Variants in LRP1B observed in about 807,000 individuals in gnomAD.
The protein encoded by LRP1B is low-density lipoprotein receptor-related protein 1B.
A neutral mutation model predicts 556.6 loss-of-function variants in LRP1B; 217 were observed. That is an observed-to-expected ratio of 0.39 (90% CI 0.35 to 0.44). The LOEUF is 0.44. Among genes scored for constraint, LRP1B ranks in the 20% least tolerant of loss-of-function variants. LRP1B has a pLI of 1.00. For synonymous variants in LRP1B, 2,047 were observed against 1,865.8 expected (o/e 1.10, Z -2.50); for missense variants, 5,053 against 5,620.8 (o/e 0.90, Z 3.23).
At chr2:140,402,018 A>G (rs1003776488) in intron 66 of LRP1B, among the ~76,000 whole-genome samples, 1 of 152,160 alleles carries the variant, frequency 6.6e-6, no homozygotes, top group Admixed American at 6.5e-5. Context: ...CTGCTGAGCG[A>G]CCTGAGGACA....
intron 27 of LRP1B, among the ~76,000 whole-genome samples, chr2:140,865,912 G>T (rs576614604): frequency 6.6e-6 from 1 of 152,140 alleles, no homozygotes; most frequent in African/African-American, 2.4e-5. Context: ...TAAATATCAG[G>T]AAAGCTTGAG....
At chr2:140,830,423 C>G (rs1198166396) in intron 31 of LRP1B, among the ~76,000 whole-genome samples, 1 of 152,032 alleles carries the variant, frequency 6.6e-6, no homozygotes, top group African/African-American at 2.4e-5. Flanking sequence ...GGGAATTATT[C>G]CAGTGATACA....
At chr2:141,049,301 G>A in intron 10 of LRP1B, 79 bp from the exon 11 acceptor site, 3 of 881,154 alleles carry the variant, frequency 3.4e-6, no homozygotes, top group Non-Finnish European at 1.8e-6. Flanking sequence ...CCGTTTAACT[G>A]GCACAATTAG....
intron 1 of LRP1B, among the ~76,000 whole-genome samples, chr2:141,910,812 G>A (rs534931447): frequency 1.2e-4 from 18 of 152,088 alleles, no homozygotes; most frequent in Admixed American, 3.9e-4. Context: ...AAAAAGTAAG[G>A]AAAGTAGGAA....
chr2:140,435,126 T>C (rs1481103526), intron 66 of LRP1B, among the ~76,000 whole-genome samples: 2 of 152,140 alleles, frequency 1.3e-5, no homozygotes, highest in African/African-American at 4.8e-5. Context: ...GCCCAAAAGA[T>C]ATTTCAACAG....
chr2:140,850,172 T>G lies in LRP1B; in HGVS notation c.4869A>C (p.Thr1623=). Residue 1623 remains threonine (T), a synonymous_variant, in exon 29 of 91, where the codon ACA becomes ACC. Transcript: ENST00000389484. The part of the protein sequence containing the change: ...FDASEERLYW[T]DIKTQTIKRA... The stretch of plus-strand genomic sequence containing the variant: ...GTTTAATGGTTTGTGTTTTAATATC[T>G]GTCCAGTATAAACGTTCCTCAGATG... 1.2e-6 allele frequency: 2 copies of G among 1,613,896 alleles called. No individual in the cohort carries two copies. Among genetic ancestry groups the G allele is most frequent in the Non-Finnish European group, 1.7e-6 (2 of 1,179,838 alleles).
chr2:141,531,142 C>T (rs549072982), intron 2 of LRP1B, among the ~76,000 whole-genome samples: 1 of 152,148 alleles, frequency 6.6e-6, no homozygotes, highest in African/African-American at 2.4e-5. Flanking sequence ...ATAGATGTAG[C>T]TATAGAATGC....
At chr2:140,421,413 T>A (rs1308803023) in intron 66 of LRP1B, among the ~76,000 whole-genome samples, 1 of 152,212 alleles carries the variant, frequency 6.6e-6, no homozygotes, top group Non-Finnish European at 1.5e-5. Context: ...TTTATACTGG[T>A]CACTAATGTC....
At chr2:140,492,917 T>C (rs1688763290) in intron 56 of LRP1B, among the ~76,000 whole-genome samples, 1 of 152,190 alleles carries the variant, frequency 6.6e-6, no homozygotes, top group African/African-American at 2.4e-5. Flanking sequence ...AGTGCATCCC[T>C]TGCTTCCTCT....
intron 41 of LRP1B, among the ~76,000 whole-genome samples, chr2:140,632,606 G>A (rs1464035139): frequency 6.6e-6 from 1 of 152,030 alleles, no homozygotes; most frequent in Non-Finnish European, 1.5e-5. Context: ...AAAGAAAAAA[G>A]TGCTACAAAT....
In LRP1B at chr2:140,868,264, C is replaced by G; in HGVS notation, c.4170-1G>C. 1 of 991,916 alleles carries G rather than the reference C, an allele frequency of 1.0e-6. No homozygotes were observed. The highest frequency in any genetic ancestry group is 1.3e-6 in the Non-Finnish European group (1 of 763,082). 61.4% of individuals were successfully genotyped at this position (991,916 alleles called of 1,614,324 possible). A position where few individuals can be genotyped will look rare whatever the true frequency, so the allele number is the denominator to read the frequency against. ...ATCCCAGTCTGTCCAGAAAAGAATT[C>G]TAAAAAAAAAAAAAAAAAAAGAAAT... is the stretch of plus-strand genomic sequence containing the variant. On this transcript the variant is annotated splice_acceptor_variant, in intron 25 of 90. Coordinates refer to ENST00000389484, the MANE Select transcript of LRP1B (RefSeq NM_018557.3). LOFTEE classifies it high-confidence loss of function.
chr2:141,718,655 C>T (rs10190295), intron 2 of LRP1B, among the ~76,000 whole-genome samples: 61,178 of 151,934 alleles, frequency 0.4, 12,836 homozygotes, highest in East Asian at 0.68. Flanking sequence ...TTATGTTTTA[C>T]GTACTACAGC....
At chr2:140,528,362 T>C (rs1362187256) in intron 47 of LRP1B, among the ~76,000 whole-genome samples, 1 of 151,868 alleles carries the variant, frequency 6.6e-6, no homozygotes, top group Non-Finnish European at 1.5e-5. Context: ...AAAATAAATT[T>C]TAACTTTGAA....
chr2:141,074,542 CT>C (rs1477082000), intron 7 of LRP1B, among the ~76,000 whole-genome samples: 1 of 147,294 alleles, frequency 6.8e-6, no homozygotes, highest in Non-Finnish European at 1.5e-5. Context: ...TCTGCACATA[CT>C]AAGTTCTTTC....
intron 23 of LRP1B, among the ~76,000 whole-genome samples, chr2:140,896,194 G>A (rs1693948096): frequency 1.3e-5 from 2 of 151,804 alleles, no homozygotes; most frequent in African/African-American, 4.8e-5. Context: ...ATTAATAAAT[G>A]AATTAATAAA....
intron 7 of LRP1B, among the ~76,000 whole-genome samples, chr2:141,085,274 G>A (rs1411864712): frequency 1.3e-5 from 2 of 152,182 alleles, no homozygotes; most frequent in East Asian, 3.9e-4. Context: ...CTAAAGAACA[G>A]AAGAGTTTTA....
intron 2 of LRP1B, among the ~76,000 whole-genome samples, chr2:141,762,466 G>T (rs930245141): frequency 2.0e-5 from 3 of 151,776 alleles, no homozygotes; most frequent in Non-Finnish European, 4.4e-5. Context: ...TAAAATGATA[G>T]ATAAAATATA....
At chr2:142,066,191 G>A (rs1311442657) in intron 1 of LRP1B, among the ~76,000 whole-genome samples, 1 of 151,492 alleles carries the variant, frequency 6.6e-6, no homozygotes. Flanking sequence ...TTTTTCTCTA[G>A]ACCATGCTTT....
chr2:140,873,938 G>T (rs1693221164), intron 25 of LRP1B, among the ~76,000 whole-genome samples: 1 of 150,386 alleles, frequency 6.6e-6, no homozygotes, highest in South Asian at 2.1e-4. Flanking sequence ...AAATAAAGAG[G>T]TTTTTTTTTG....
Sources: gnomAD v4.1 joint callset for allele counts (sites outside exome capture counted in the v4.1 genomes callset) on GRCh38, gnomAD v4.1.1 for gene constraint, MANE v1.5 for transcripts, NCBI Gene and HGNC (gene_info 2026-07-23, HGNC 2026-07-21) for gene names.